Variants in DLG2 observed in about 807,000 individuals in gnomAD.
The protein encoded by DLG2 is disks large homolog 2.
Under a neutral mutation model 132.5 loss-of-function variants are expected in DLG2, and 45 were observed. The ratio of observed to expected loss-of-function variants is 0.34; its 90% CI spans 0.27 to 0.44. The LOEUF is 0.44. DLG2 is among the 20% of genes least tolerant of loss of function. The pLI, the probability that DLG2 is intolerant of heterozygous loss-of-function variation, is 1.00. For missense variants in DLG2, 1,045 were observed against 1,196.9 expected (o/e 0.87, Z 1.87); for synonymous variants, 424 against 419.6 (o/e 1.01, Z -0.13).
At chr11:85,338,701 ATTTTT>A (rs35378658) in intron 3 of DLG2, among the ~76,000 whole-genome samples, 1 of 83,562 alleles carries the variant, frequency 1.2e-5, no homozygotes, top group Non-Finnish European at 2.4e-5. Context: ...TGTATAAATA[ATTTTT>A]TTTTTTTTTT....
chr11:84,813,193 T>C (rs11234191), intron 6 of DLG2, among the ~76,000 whole-genome samples: 4 of 145,466 alleles, frequency 2.7e-5, no homozygotes, highest in Admixed American at 6.8e-5. Flanking sequence ...CACACACACA[T>C]ACACACACAC....
Position 85,247,144 on chromosome 11 carries a change from C to T in DLG2, c.186+38076G>A, listed in dbSNP as rs114889161. On this transcript the variant is annotated intron_variant, in intron 4 of 27. Coordinates refer to ENST00000376104, the MANE Select transcript of DLG2 (RefSeq NM_001142699.3). ...TACAATTTTCTTAAATAATTGTGTG[C>T]AAGTGTATTCCACTTATCTGGGATA... Among the ~76,000 whole-genome samples the T allele has an allele frequency of 1.0e-2, 1,515 of 152,136 alleles. 35 individuals are homozygous for T. Among genetic ancestry groups the T allele is most frequent in the African/African-American group, 0.035 (1,441 of 41,528 alleles).
At chr11:85,571,347 G>A (rs1284657502) in intron 3 of DLG2, among the ~76,000 whole-genome samples, 2 of 152,010 alleles carry the variant, frequency 1.3e-5, no homozygotes, top group Non-Finnish European at 2.9e-5. Context: ...TGTATTCTTT[G>A]TCATGTGTGG....
chr11:84,176,555 A>G (rs2095974183), intron 8 of DLG2, among the ~76,000 whole-genome samples: 1 of 151,946 alleles, frequency 6.6e-6, no homozygotes, highest in Non-Finnish European at 1.5e-5. Context: ...AAAAAGTATA[A>G]GCAATATATT....
intron 6 of DLG2, among the ~76,000 whole-genome samples, chr11:84,716,838 A>G (rs2061295658): frequency 2.6e-5 from 4 of 152,026 alleles, no homozygotes; most frequent in Admixed American, 6.5e-5. Context: ...TTTTAATAAA[A>G]GAAGTGGAAT....
At position 85,430,647 on chromosome 11, in the gene DLG2, A is replaced by G. The variant is rs912357810; in HGVS notation, c.41-145282T>C. Among the ~76,000 whole-genome samples the G allele has an allele frequency of 8.5e-5, 13 of 152,282 alleles. No homozygotes were observed. The East Asian group carries it at 2.3e-3, about 27-fold the overall frequency. On this transcript the variant is annotated intron_variant, in intron 3 of 27. Transcript: ENST00000376104. ...CCAAAATATTTGCTTGGTAGCTCAGATTTGACCTCATTTCTGTGGGTTTGA... is the reference window on the plus strand; with the variant it reads ...CCAAAATATTTGCTTGGTAGCTCAGGTTTGACCTCATTTCTGTGGGTTTGA...
chr11:84,336,648 G>A (rs908427173), intron 7 of DLG2, among the ~76,000 whole-genome samples: 6 of 152,200 alleles, frequency 3.9e-5, no homozygotes, highest in Non-Finnish European at 7.4e-5. Context: ...ATCATCTCTA[G>A]TACTAAGCCA....
intron 8 of DLG2, among the ~76,000 whole-genome samples, chr11:84,243,563 T>C (rs941199636): frequency 6.6e-6 from 1 of 152,240 alleles, no homozygotes; most frequent in Non-Finnish European, 1.5e-5. Context: ...AACTTAAATA[T>C]GCATACAAAT....
intron 4 of DLG2, among the ~76,000 whole-genome samples, chr11:85,211,012 C>A (rs1330039667): frequency 6.6e-6 from 1 of 151,924 alleles, no homozygotes; most frequent in African/African-American, 2.4e-5. Context: ...CTTGGAGTAC[C>A]TGAAATAATA....
intron 6 of DLG2, among the ~76,000 whole-genome samples, chr11:84,793,411 G>C (rs1283825563): frequency 6.6e-6 from 1 of 152,128 alleles, no homozygotes; most frequent in African/African-American, 2.4e-5. Context: ...ATATCTATTA[G>C]GTCCATTTGT....
chr11:83,850,167 T>TCCTTG (rs2059467267), intron 16 of DLG2, among the ~76,000 whole-genome samples: 1 of 146,672 alleles, frequency 6.8e-6, no homozygotes, highest in African/African-American at 2.5e-5. Flanking sequence ...TGTGTTTTTT[T>TCCTTG]ACTTGAGACG....
At chr11:84,709,637 T>C (rs961024126) in intron 6 of DLG2, among the ~76,000 whole-genome samples, 4 of 151,910 alleles carry the variant, frequency 2.6e-5, no homozygotes, top group African/African-American at 7.2e-5. Context: ...CTTACATCTA[T>C]GTTTGCCTGC....
chr11:84,772,238 A>G lies in DLG2; in HGVS notation c.358-237507T>C, dbSNP rs376122658. On this transcript the variant is annotated intron_variant, in intron 6 of 27. Coordinates refer to ENST00000376104, the MANE Select transcript of DLG2 (RefSeq NM_001142699.3). ...CAGAAGACTTAACTATCCTCAATAT[A>G]TATGCTAACTATCCTAAATATATAT... 1.6e-4 allele frequency among the ~76,000 whole-genome samples: 24 copies of G among 152,314 alleles called. No individual in the cohort carries two copies. The East Asian group carries it at 4.1e-3, about 26-fold the overall frequency.
rs145423572 is a variant in DLG2 at position 84,406,939 on chromosome 11, T to C, written c.519+127631A>G. ...GAGACTGTCAGTCAGTTTTCAAAGA[T>C]GGGCAGCTCACAGATAGGAGAAATC... On this transcript the variant is annotated intron_variant, in intron 7 of 27. Coordinates refer to ENST00000376104, the MANE Select transcript of DLG2 (RefSeq NM_001142699.3). 5.5e-3 allele frequency among the ~76,000 whole-genome samples: 834 copies of C among 152,274 alleles called. 13 individuals carry two copies. Among genetic ancestry groups the C allele is most frequent in the African/African-American group, 0.019 (777 of 41,564 alleles).
chr11:85,564,767 T>G (rs765472421), intron 3 of DLG2, among the ~76,000 whole-genome samples: 2 of 152,024 alleles, frequency 1.3e-5, no homozygotes, highest in African/African-American at 2.4e-5. Context: ...AGAATCAGTT[T>G]GTCAATTTTT....
At chr11:85,157,508 G>A (rs921660149) in intron 4 of DLG2, among the ~76,000 whole-genome samples, 5 of 152,120 alleles carry the variant, frequency 3.3e-5, no homozygotes, top group East Asian at 1.9e-4. Flanking sequence ...GGAGTTTAGC[G>A]ACTCTATACA....
chr11:85,000,983 G>A (rs2058153503), intron 6 of DLG2, among the ~76,000 whole-genome samples: 1 of 151,982 alleles, frequency 6.6e-6, no homozygotes, highest in African/African-American at 2.4e-5. Context: ...TAGTTCCAAG[G>A]CCAATCTGGT....
At chr11:83,491,132 A>G (rs2093817152) in intron 21 of DLG2, among the ~76,000 whole-genome samples, 1 of 148,416 alleles carries the variant, frequency 6.7e-6, no homozygotes, top group Non-Finnish European at 1.5e-5. Flanking sequence ...TTTCCTTTTT[A>G]TAGTTTTTTT....
At chr11:83,890,866 A>G (rs534249702) in intron 15 of DLG2, among the ~76,000 whole-genome samples, 14 of 152,254 alleles carry the variant, frequency 9.2e-5, no homozygotes, top group East Asian at 5.8e-4. Flanking sequence ...TCTGCAGGAT[A>G]TGGCAATTGC....
Sources: gnomAD v4.1 joint callset for allele counts (sites outside exome capture counted in the v4.1 genomes callset) on GRCh38, gnomAD v4.1.1 for gene constraint, MANE v1.5 for transcripts, NCBI Gene and HGNC (gene_info 2026-07-23, HGNC 2026-07-21) for gene names.